Variants in GPR89B observed in about 807,000 individuals in gnomAD.
The protein encoded by GPR89B is golgi pH regulator B.
A neutral mutation model predicts 52.4 loss-of-function variants in GPR89B; 25 were observed. That is an observed-to-expected ratio of 0.48 (90% CI 0.35 to 0.67). The LOEUF (loss-of-function observed/expected upper bound fraction) is 0.67. GPR89B is among the 30% of genes least tolerant of loss of function. GPR89B has a pLI of 0.01. For missense variants in GPR89B, 146 were observed against 450.2 expected (o/e 0.32, Z 6.11); for synonymous variants, 52 against 151.2 (o/e 0.34, Z 4.81).
At chr1:148,010,822 A>G in the GPR89B span, 2 of 152,194 alleles carry the variant, frequency 1.3e-5, no homozygotes, top group African/African-American at 2.4e-5. Flanking sequence ...AGTTGTATAG[A>G]GCCTGTTTCA....
chr1:147,972,489 A>G lies in GPR89B; in HGVS notation c.909+2530A>G, dbSNP rs1379785772. ...GTTCACATCCTCACCAACACTCTAT[A>G]TGGCCAGTCTTGCTAATATTAGACA... On this transcript the variant is annotated intron_variant, in intron 10 of 13. Transcript: ENST00000314163. Among the ~76,000 whole-genome samples, 11 of 151,350 alleles carry G rather than the reference A, an allele frequency of 7.3e-5. No individual in the cohort carries two copies. In the East Asian group the frequency reaches 1.7e-3, roughly 24 times the overall value.
intron 10 of GPR89B, among the ~76,000 whole-genome samples, chr1:147,972,082 C>G (rs1657516041): frequency 6.6e-6 from 1 of 151,266 alleles, no homozygotes. Context: ...AGTATGTATC[C>G]TTTTTCTGTC....
Position 147,949,919 on chromosome 1 carries a change from G to C in GPR89B, c.416-3426G>C, listed in dbSNP as rs1255982845. ...TCCCGGACGGGGCGGCTGGCCGGGCGGGGGGCTGACCCCCCCACCTCCCTC... is the reference window on the plus strand; with the variant it reads ...TCCCGGACGGGGCGGCTGGCCGGGCCGGGGGCTGACCCCCCCACCTCCCTC... On this transcript the variant is annotated intron_variant, in intron 5 of 13. Coordinates refer to ENST00000314163, the MANE Select transcript of GPR89B (RefSeq NM_016334.5). 3.0e-3 allele frequency among the ~76,000 whole-genome samples: 398 copies of C among 131,018 alleles called. 17 individuals carry two copies. The highest frequency in any genetic ancestry group is 0.013 in the African/African-American group (379 of 29,826). 86.0% of individuals were successfully genotyped at this position (131,018 alleles called of 152,430 possible).
At chr1:147,979,769 A>T (rs1162590356) in intron 10 of GPR89B, among the ~76,000 whole-genome samples, 3 of 152,088 alleles carry the variant, frequency 2.0e-5, no homozygotes, top group African/African-American at 7.2e-5. Context: ...ATTTTGTTAG[A>T]TTCAATTTGC....
intron 7 of GPR89B, among the ~76,000 whole-genome samples, chr1:147,958,830 C>G (rs1383789024): frequency 2.2e-4 from 33 of 152,058 alleles, no homozygotes; most frequent in Admixed American, 2.0e-3. Flanking sequence ...ATTTGAGTGG[C>G]TCACAGAAGA....
At chr1:147,942,940 GT>G (rs1466574333) in intron 3 of GPR89B, among the ~76,000 whole-genome samples, 1 of 74,488 alleles carries the variant, frequency 1.3e-5, no homozygotes, top group African/African-American at 5.3e-5. Context: ...GTTATAAAAA[GT>G]GCTAACAAAA....
chr1:147,934,362 A>T (rs587602119), intron 1 of GPR89B, among the ~76,000 whole-genome samples: 41 of 152,208 alleles, frequency 2.7e-4, no homozygotes, highest in Non-Finnish European at 5.1e-4. Flanking sequence ...TTTTTTGTAG[A>T]GATGGGGTTT....
chr1:147,949,434 G>C (rs1272119362), intron 5 of GPR89B, among the ~76,000 whole-genome samples: 1 of 39,494 alleles, frequency 2.5e-5, no homozygotes, highest in African/African-American at 1.2e-4. Context: ...TGGCCGGGTG[G>C]GGGGCTGACC....
chr1:147,982,105 G>T (rs1658300034), intron 10 of GPR89B, among the ~76,000 whole-genome samples: 1 of 151,716 alleles, frequency 6.6e-6, no homozygotes, highest in Non-Finnish European at 1.5e-5. Context: ...TGTCGCCCAG[G>T]CTGGAGTGCA....
intron 1 of GPR89B, among the ~76,000 whole-genome samples, chr1:147,931,800 A>G (rs1183923126): frequency 8.6e-5 from 13 of 151,538 alleles, no homozygotes; most frequent in Admixed American, 2.0e-4. Flanking sequence ...TGAGTACCCA[A>G]TATTTAGCTC....
chr1:147,961,458 A>G (rs1424994106), intron 7 of GPR89B, among the ~76,000 whole-genome samples: 18 of 151,986 alleles, frequency 1.2e-4, no homozygotes, highest in South Asian at 4.1e-4. Context: ...CAACAATGGG[A>G]AAAAAAAAAG....
chr1:147,961,363 T>C (rs2149067971), intron 7 of GPR89B, among the ~76,000 whole-genome samples: 4 of 151,554 alleles, frequency 2.6e-5, no homozygotes, highest in African/African-American at 9.7e-5. Flanking sequence ...AAACTACACC[T>C]ATGTGTATAT....
intron 9 of GPR89B, chr1:147,969,420 A>AT (rs1657261813): frequency 4.8e-6 from 1 of 206,192 alleles, no homozygotes; most frequent in South Asian, 8.6e-5. Flanking sequence ...TATAATTTAA[A>AT]TGTGCAAAAT....
intron 5 of GPR89B, among the ~76,000 whole-genome samples, chr1:147,949,441 G>T: frequency 7.8e-4 from 1 of 1,276 alleles, no homozygotes; most frequent in Non-Finnish European, 2.6e-3. Flanking sequence ...GTGGGGGGCT[G>T]ACCCCCCTGA....
At chr1:147,963,806 G>GC (rs1185240836) in intron 7 of GPR89B, among the ~76,000 whole-genome samples, 1 of 152,094 alleles carries the variant, frequency 6.6e-6, no homozygotes, top group African/African-American at 2.4e-5. Context: ...AGCTAAACAT[G>GC]CCGTTACCAC....
At chr1:147,985,713 C>T (rs1427891119) in intron 10 of GPR89B, among the ~76,000 whole-genome samples, 2 of 152,012 alleles carry the variant, frequency 1.3e-5, no homozygotes, top group Non-Finnish European at 2.9e-5. Context: ...GTTCTTTTCT[C>T]CCTTTTTCCT....
chr1:147,937,086 T>C (rs1654149491), intron 2 of GPR89B, among the ~76,000 whole-genome samples: 1 of 152,080 alleles, frequency 6.6e-6, no homozygotes, highest in Admixed American at 6.6e-5. Flanking sequence ...GTCCCCAATA[T>C]TTCAACATAG....
downstream of GPR89B, chr1:147,995,601 C>G (rs1398764144): frequency 1.9e-6 from 3 of 1,609,046 alleles, no homozygotes; most frequent in Non-Finnish European, 2.5e-6. Flanking sequence ...CTCACCCGTT[C>G]TTTTGCCATG....
intron 7 of GPR89B, among the ~76,000 whole-genome samples, chr1:147,960,428 C>T (rs1421497273): frequency 6.6e-6 from 1 of 152,026 alleles, no homozygotes; most frequent in Admixed American, 6.5e-5. Flanking sequence ...AAAAGAGAAT[C>T]CCAACAAAGA....
Sources: gnomAD v4.1 joint callset for allele counts (sites outside exome capture counted in the v4.1 genomes callset) on GRCh38, gnomAD v4.1.1 for gene constraint, MANE v1.5 for transcripts, NCBI Gene and HGNC (gene_info 2026-07-23, HGNC 2026-07-21) for gene names.